TENM4: variants seen among roughly 807,000 people sequenced by gnomAD.
TENM4 encodes the protein teneurin transmembrane protein 4.
TENM4 carries 82 observed loss-of-function variants against 243.3 expected under a neutral mutation model. The observed-to-expected ratio is 0.34, with a 90% confidence interval of 0.28 to 0.40. The LOEUF (loss-of-function observed/expected upper bound fraction) is 0.40. TENM4 is among the 10% of genes least tolerant of loss of function. The pLI, the probability that TENM4 is intolerant of heterozygous loss-of-function variation, is 1.00. For missense variants in TENM4, 3,138 were observed against 3,673.3 expected (o/e 0.85, Z 3.77); for synonymous variants, 1,412 against 1,456.3 (o/e 0.97, Z 0.69).
chr11:78,831,761 C>T (rs1591056608), intron 12 of TENM4, among the ~76,000 whole-genome samples: 3 of 152,264 alleles, frequency 2.0e-5, no homozygotes, highest in Admixed American at 2.0e-4. Flanking sequence ...CTCAAAGCAG[C>T]TTTATTTTAG....
intron 4 of TENM4, among the ~76,000 whole-genome samples, chr11:79,103,502 C>T (rs1012624094): frequency 6.6e-6 from 1 of 152,118 alleles, no homozygotes; most frequent in Admixed American, 6.5e-5. Flanking sequence ...CACCAAGGCC[C>T]TTCCACTTCC....
At chr11:79,305,954 G>A (rs1565291717) in intron 1 of TENM4, among the ~76,000 whole-genome samples, 1 of 152,216 alleles carries the variant, frequency 6.6e-6, no homozygotes, top group Non-Finnish European at 1.5e-5. Context: ...GACCTGTGGA[G>A]GGTCCTTTCA....
intron 1 of TENM4, among the ~76,000 whole-genome samples, chr11:79,393,065 AC>A (rs771952950): frequency 3.9e-5 from 6 of 151,910 alleles, no homozygotes; most frequent in Non-Finnish European, 5.9e-5. Flanking sequence ...CCTCTTCTGC[AC>A]CCTCCAGGCT....
intron 3 of TENM4, among the ~76,000 whole-genome samples, chr11:79,203,963 C>T (rs539862601): frequency 3.5e-4 from 54 of 152,200 alleles, no homozygotes; most frequent in African/African-American, 1.3e-3. Context: ...GTGAAAGAAG[C>T]CAGCCACAAA....
intron 6 of TENM4, among the ~76,000 whole-genome samples, chr11:78,935,502 G>A (rs1359382031): frequency 6.6e-6 from 1 of 152,194 alleles, no homozygotes; most frequent in African/African-American, 2.4e-5. Context: ...GAGAAATAAA[G>A]TAATTGTACC....
chr11:79,053,142 C>G (rs1272998823), intron 6 of TENM4, among the ~76,000 whole-genome samples: 4 of 152,120 alleles, frequency 2.6e-5, no homozygotes, highest in African/African-American at 9.7e-5. Flanking sequence ...AATCTGATAA[C>G]CAGTTGGGCA....
intron 15 of TENM4, among the ~76,000 whole-genome samples, chr11:78,796,398 C>A (rs1857160764): frequency 6.6e-6 from 1 of 152,108 alleles, no homozygotes; most frequent in African/African-American, 2.4e-5. Flanking sequence ...CAACCTGACC[C>A]CCACTAAAAG....
intron 18 of TENM4, among the ~76,000 whole-genome samples, chr11:78,762,316 A>T (rs1856448227): frequency 6.6e-6 from 1 of 152,234 alleles, no homozygotes; most frequent in South Asian, 2.1e-4. Context: ...TTCTGGTAAC[A>T]GGCCCTATAC....
intron 21 of TENM4, among the ~76,000 whole-genome samples, chr11:78,730,064 A>G (rs1248532964): frequency 6.6e-6 from 1 of 152,214 alleles, no homozygotes; most frequent in Admixed American, 6.5e-5. Flanking sequence ...TCACATTGCC[A>G]CTGGTTCTCA....
At chr11:79,239,087 G>C (rs1340114039) in intron 2 of TENM4, among the ~76,000 whole-genome samples, 1 of 152,186 alleles carries the variant, frequency 6.6e-6, no homozygotes, top group Non-Finnish European at 1.5e-5. Flanking sequence ...TCTGTCTGCA[G>C]AGACAGCTCT....
chr11:79,317,820 C>T (rs960522162), intron 1 of TENM4, among the ~76,000 whole-genome samples: 5 of 152,124 alleles, frequency 3.3e-5, no homozygotes, highest in Middle Eastern at 3.2e-3. Context: ...CCCAACTTGG[C>T]GCTTTCATTT....
At chr11:79,336,093 T>C (rs1857142661) in intron 1 of TENM4, among the ~76,000 whole-genome samples, 1 of 138,748 alleles carries the variant, frequency 7.2e-6, no homozygotes, top group Non-Finnish European at 1.6e-5. Flanking sequence ...GACTAACACA[T>C]GTGCCATGAA....
intron 1 of TENM4, among the ~76,000 whole-genome samples, chr11:79,435,909 A>C (rs1246985131): frequency 3.3e-5 from 5 of 152,252 alleles, no homozygotes; most frequent in Non-Finnish European, 5.9e-5. Flanking sequence ...CAACTCTGTC[A>C]GAAAAAGGGA....
intron 1 of TENM4, among the ~76,000 whole-genome samples, chr11:79,426,171 A>G (rs1414289150): frequency 6.6e-6 from 1 of 152,226 alleles, no homozygotes; most frequent in Non-Finnish European, 1.5e-5. Context: ...AAGAGGATAC[A>G]TATCTTCTAT....
At chr11:79,283,056 A>G (rs1342500279) in intron 2 of TENM4, among the ~76,000 whole-genome samples, 21 of 152,140 alleles carry the variant, frequency 1.4e-4, no homozygotes, top group Non-Finnish European at 8.8e-5. Context: ...TGTTCTTATC[A>G]CCACCTTTTA....
chr11:79,319,931 A>T (rs1029596991), intron 1 of TENM4, among the ~76,000 whole-genome samples: 2 of 151,974 alleles, frequency 1.3e-5, no homozygotes, highest in South Asian at 2.1e-4. Context: ...GGTTGACAAG[A>T]TTTTCTTATT....
chr11:79,355,706 T>C (rs774535185), intron 1 of TENM4, among the ~76,000 whole-genome samples: 3 of 152,182 alleles, frequency 2.0e-5, no homozygotes, highest in Admixed American at 1.3e-4. Context: ...AGCAAAATCA[T>C]GTGAGCATGG....
chr11:78,949,899 T>C (rs1454599024), intron 6 of TENM4, among the ~76,000 whole-genome samples: 1 of 152,080 alleles, frequency 6.6e-6, no homozygotes, highest in East Asian at 1.9e-4. Flanking sequence ...CACTGTCCTC[T>C]CTCTGTCTCG....
At chr11:78,660,104 A>T (rs879153938) in intron 33 of TENM4, among the ~76,000 whole-genome samples, 2 of 152,120 alleles carry the variant, frequency 1.3e-5, no homozygotes, top group Admixed American at 1.3e-4. Context: ...GAGCCTGGTG[A>T]GGGAGGAGGA....
Sources: allele counts gnomAD v4.1 joint callset (sites outside exome capture counted in the v4.1 genomes callset), GRCh38; gene constraint gnomAD v4.1.1; transcripts MANE v1.5; gene names NCBI Gene and HGNC (gene_info 2026-07-23, HGNC 2026-07-21).